PDE11A: variants seen among roughly 807,000 people sequenced by gnomAD.
PDE11A encodes phosphodiesterase 11A.
Under a neutral mutation model 100.5 loss-of-function variants are expected in PDE11A, and 100 were observed. The observed-to-expected ratio is 1.00, with a 90% CI of 0.85 to 1.18. The LOEUF (loss-of-function observed/expected upper bound fraction) is 1.18, where lower values mean the gene tolerates loss of function less well. PDE11A is among the 50% of genes most tolerant of loss of function. PDE11A has a pLI of 0.00. For missense variants in PDE11A, 1,141 were observed against 1,152.6 expected, an observed-to-expected ratio of 0.99 and a Z score of 0.15; for synonymous variants, 381 against 420.8, an observed-to-expected ratio of 0.91 and a Z score of 1.16.
At chr2:178,091,432 T>C (rs1024233752) in intron 2 of PDE11A, among the ~76,000 whole-genome samples, 4 of 152,160 alleles carry the variant, frequency 2.6e-5, no homozygotes, top group Admixed American at 2.6e-4. Flanking sequence ...CCGCAAGGAA[T>C]TGGAGCAGAA....
chr2:178,030,367 T>C (rs915618387), intron 1 of PDE11A, among the ~76,000 whole-genome samples: 4 of 152,074 alleles, frequency 2.6e-5, no homozygotes, highest in African/African-American at 7.2e-5. Flanking sequence ...CCTATAAGCT[T>C]TAAATAAATT....
At chr2:177,951,934 T>TC (rs2085509709) in intron 2 of PDE11A, among the ~76,000 whole-genome samples, 1 of 152,212 alleles carries the variant, frequency 6.6e-6, no homozygotes, top group Non-Finnish European at 1.5e-5. Context: ...TACTTTAAGT[T>TC]CTAGGGTACA....
chr2:177,957,176 C>T (rs1195708681), intron 2 of PDE11A, among the ~76,000 whole-genome samples: 7 of 152,078 alleles, frequency 4.6e-5, no homozygotes, highest in African/African-American at 1.4e-4. Flanking sequence ...ACTGGCTTCT[C>T]GTAGCACAAG....
At chr2:178,002,969 T>A (rs1321267844) in intron 2 of PDE11A, among the ~76,000 whole-genome samples, 3 of 152,100 alleles carry the variant, frequency 2.0e-5, no homozygotes, top group Non-Finnish European at 4.4e-5. Flanking sequence ...TCATTAGCCA[T>A]CAGGGTAAGA....
intron 1 of PDE11A, among the ~76,000 whole-genome samples, chr2:178,041,800 C>T (rs1163324344): frequency 6.6e-6 from 1 of 152,152 alleles, no homozygotes; most frequent in Admixed American, 6.5e-5. Context: ...TTCACATCTG[C>T]CCTGTATCCT....
intron 9 of PDE11A, among the ~76,000 whole-genome samples, chr2:177,791,087 T>C (rs1441673502): frequency 3.9e-5 from 6 of 152,110 alleles, no homozygotes; most frequent in Non-Finnish European, 8.8e-5. Context: ...CACATGCACA[T>C]GTATGTTTAT....
Position 177,837,687 on chromosome 2 carries a change from T to C in PDE11A, c.1500+2564A>G, listed in dbSNP as rs199922777. Reference sequence around the variant, plus strand: ...TTCTTAAATCTTCCCTTCTCTGAGCTACCCTTAAAGATTCTAGATGTTGTA... The same window carrying C: ...TTCTTAAATCTTCCCTTCTCTGAGCCACCCTTAAAGATTCTAGATGTTGTA... On this transcript the variant is annotated intron_variant, in intron 6 of 19. Transcript: ENST00000286063. Among the ~76,000 whole-genome samples, 11 of 152,332 alleles carry C rather than the reference T, an allele frequency of 7.2e-5. No individual in the cohort carries two copies. The East Asian group carries it at 1.7e-3, about 24-fold the overall frequency.
At chr2:177,819,867 T>G (rs113543077) in intron 7 of PDE11A, among the ~76,000 whole-genome samples, 1 of 119,418 alleles carries the variant, frequency 8.4e-6, no homozygotes, top group African/African-American at 2.9e-5. Flanking sequence ...TCTTTCTCTC[T>G]TTCTCTCTCT....
intron 9 of PDE11A, among the ~76,000 whole-genome samples, chr2:177,772,410 C>T (rs2082323043): frequency 6.6e-6 from 1 of 152,032 alleles, no homozygotes; most frequent in African/African-American, 2.4e-5. Flanking sequence ...AAAATTCTAC[C>T]AAATAAATAT....
chr2:177,884,876 T>C (rs1327419757), intron 4 of PDE11A, among the ~76,000 whole-genome samples: 1 of 152,142 alleles, frequency 6.6e-6, no homozygotes, highest in Non-Finnish European at 1.5e-5. Flanking sequence ...CAACAGATCA[T>C]AGACACAAGT....
intron 15 of PDE11A, among the ~76,000 whole-genome samples, chr2:177,685,438 G>A (rs1015301175): frequency 1.3e-5 from 2 of 152,194 alleles, no homozygotes; most frequent in South Asian, 4.1e-4. Context: ...ACTAACGATT[G>A]TTATATCTGC....
intron 10 of PDE11A, among the ~76,000 whole-genome samples, chr2:177,732,725 T>A (rs1477900188): frequency 1.3e-5 from 2 of 152,234 alleles, no homozygotes; most frequent in African/African-American, 4.8e-5. Flanking sequence ...GACCTCTGGT[T>A]CACCAAGACC....
At chr2:177,713,165 C>T (rs181195971) in intron 12 of PDE11A, among the ~76,000 whole-genome samples, 51 of 152,178 alleles carry the variant, frequency 3.4e-4, no homozygotes, top group East Asian at 3.9e-4. Context: ...CCCACCACCA[C>T]GCCCAGCTAA....
chr2:177,650,138 G>C (rs1218695375), intron 19 of PDE11A, among the ~76,000 whole-genome samples: 1 of 152,032 alleles, frequency 6.6e-6, no homozygotes, highest in Non-Finnish European at 1.5e-5. Context: ...ACAAATAAAG[G>C]CTGACTACCT....
chr2:177,913,134 A>G (rs532447325), intron 2 of PDE11A, among the ~76,000 whole-genome samples: 1 of 152,296 alleles, frequency 6.6e-6, no homozygotes, highest in Admixed American at 6.5e-5. Flanking sequence ...AAAGTTTTAA[A>G]AATTACCATA....
intron 19 of PDE11A, among the ~76,000 whole-genome samples, chr2:177,644,088 G>A (rs183215935): frequency 1.9e-4 from 29 of 152,168 alleles, no homozygotes; most frequent in African/African-American, 4.6e-4. Flanking sequence ...GAGGGAATGT[G>A]GGGGGGAGCC....
chr2:178,014,319 T>C lies in PDE11A; in HGVS notation c.1054A>G (p.Thr352Ala), dbSNP rs1447609914. 6.2e-7 allele frequency: 1 copy of C among 1,613,120 alleles called. No homozygotes were observed. Among genetic ancestry groups the C allele is most frequent in the Non-Finnish European group, 8.5e-7 (1 of 1,179,120 alleles). ...AATCTTACTTTTTCATCATCTTCAG[T>C]AAATGGAGCTCCTTCAGGAATCTTA... ...INKIPEGAPF[T>A]EDDEKVMQMY... The change falls in exon 2 of 20, where the codon ACT becomes GCT. Residue 352 changes from threonine (T) to alanine (A), a missense_variant. Coordinates refer to ENST00000286063, the MANE Select transcript of PDE11A (RefSeq NM_016953.4).
At chr2:177,746,100 G>C (rs2081944098) in intron 10 of PDE11A, among the ~76,000 whole-genome samples, 1 of 152,160 alleles carries the variant, frequency 6.6e-6, no homozygotes, top group African/African-American at 2.4e-5. Flanking sequence ...CAGAAATAGA[G>C]CTGCTGGGGT....
At chr2:178,033,716 A>G (rs1041624615) in intron 1 of PDE11A, among the ~76,000 whole-genome samples, 3 of 152,310 alleles carry the variant, frequency 2.0e-5, no homozygotes, top group East Asian at 1.9e-4. Flanking sequence ...CAGAAACCCT[A>G]CAAGCCAGAA....
Sources: gnomAD v4.1 joint callset for allele counts (sites outside exome capture counted in the v4.1 genomes callset) on GRCh38, gnomAD v4.1.1 for gene constraint, MANE v1.5 for transcripts, NCBI Gene and HGNC (gene_info 2026-07-23, HGNC 2026-07-21) for gene names.